EPB41L2: variants seen among roughly 807,000 people sequenced by gnomAD.
EPB41L2 encodes band 4.1-like protein 2.
Under a neutral mutation model 113.0 loss-of-function variants are expected in EPB41L2, and 43 were observed. The observed-to-expected ratio is 0.38, with a 90% CI of 0.30 to 0.49. EPB41L2 has a LOEUF of 0.49. Ranked by LOEUF, EPB41L2 falls within the 20% of genes least tolerant of loss-of-function variation. The pLI, the probability that EPB41L2 is intolerant of heterozygous loss-of-function variation, is 0.95. For missense variants in EPB41L2, 1,147 were observed against 1,223.4 expected (o/e 0.94, Z 0.93); for synonymous variants, 442 against 436.7 (o/e 1.01, Z -0.15).
chr6:130,956,201 A>G lies in EPB41L2; in HGVS notation c.285T>C (p.Asp95=), dbSNP rs746541237. ...QKSYTLVVAK[D]GGDKKEPTQA... ...GGGTAGGCTCTTTTTTATCTCCTCCATCTTTGGCCACTACTAAGGTATATG... is the reference window on the plus strand; with the variant it reads ...GGGTAGGCTCTTTTTTATCTCCTCCGTCTTTGGCCACTACTAAGGTATATG... Residue 95 remains aspartate, a synonymous_variant, in exon 2 of 20, where the codon GAT becomes GAC. Coordinates refer to ENST00000337057, the MANE Select transcript of EPB41L2 (RefSeq NM_001431.4). 18 of 1,613,802 alleles carry G rather than the reference A, an allele frequency of 1.1e-5. No homozygotes were observed. The highest frequency in any genetic ancestry group is 1.4e-5 in the Non-Finnish European group (17 of 1,179,980).
At chr6:130,987,862 C>A (rs1181590915) in intron 1 of EPB41L2, among the ~76,000 whole-genome samples, 4 of 150,794 alleles carry the variant, frequency 2.7e-5, no homozygotes, top group Non-Finnish European at 5.9e-5. Context: ...CCTATAATCC[C>A]AATACTTTGG....
intron 1 of EPB41L2, among the ~76,000 whole-genome samples, chr6:131,025,987 C>G (rs888060484): frequency 6.6e-6 from 1 of 152,130 alleles, no homozygotes. Context: ...TACCAAACAG[C>G]CCCCAGGTCA....
chr6:131,026,489 G>T (rs969865346), intron 1 of EPB41L2, among the ~76,000 whole-genome samples: 15 of 152,188 alleles, frequency 9.9e-5, no homozygotes, highest in African/African-American at 3.4e-4. Context: ...GGAAAGGAAT[G>T]GTTCAGCTTT....
chr6:130,906,216 A>T (rs1797678698), intron 5 of EPB41L2, among the ~76,000 whole-genome samples: 1 of 152,196 alleles, frequency 6.6e-6, no homozygotes, highest in African/African-American at 2.4e-5. Flanking sequence ...ACACTAGAAC[A>T]TGCTTGCCTG....
chr6:131,037,477 C>T (rs1186247998), intron 1 of EPB41L2, among the ~76,000 whole-genome samples: 2 of 150,800 alleles, frequency 1.3e-5, no homozygotes, highest in African/African-American at 2.4e-5. Flanking sequence ...CATATAAATG[C>T]TTATAAAATG....
At position 130,863,670 on chromosome 6, in the gene EPB41L2, T is replaced by G. The variant is rs1411736024; in HGVS notation, c.2878A>C (p.Ile960Leu). The G allele has an allele frequency of 6.2e-7, 1 of 1,613,568 alleles. No homozygotes were observed. The highest frequency in any genetic ancestry group is 1.3e-5 in the African/African-American group (1 of 74,918). ...TGATCAATATCTCCATCTCCTGTGA[T>G]CACAATGCGTTTCTCAATTCTTGTT... ...SETRIEKRIVITGDGDIDHDQ... is the reference protein window; with the variant it reads ...SETRIEKRIVLTGDGDIDHDQ... Residue 960 changes from isoleucine to leucine, a missense_variant, in exon 18 of 20, where the codon ATC becomes CTC. Transcript: ENST00000337057.
intron 1 of EPB41L2, among the ~76,000 whole-genome samples, chr6:131,049,067 G>A (rs1384992499): frequency 1.3e-5 from 2 of 152,176 alleles, no homozygotes; most frequent in Non-Finnish European, 2.9e-5. Context: ...ACCTCAATTG[G>A]TAGGAGCCAC....
chr6:130,943,401 C>T (rs1195076602), intron 3 of EPB41L2, among the ~76,000 whole-genome samples: 1 of 152,102 alleles, frequency 6.6e-6, no homozygotes, highest in Non-Finnish European at 1.5e-5. Flanking sequence ...CTTACTCGAC[C>T]CTGAAGTAAT....
At chr6:130,886,984 C>T (rs908596513) in intron 11 of EPB41L2, among the ~76,000 whole-genome samples, 1 of 151,968 alleles carries the variant, frequency 6.6e-6, no homozygotes, top group African/African-American at 2.4e-5. Flanking sequence ...AAATAAGTTT[C>T]CCTTGGAAAG....
At chr6:131,034,182 C>G (rs2128174535) in intron 1 of EPB41L2, among the ~76,000 whole-genome samples, 2 of 152,248 alleles carry the variant, frequency 1.3e-5, no homozygotes, top group East Asian at 3.9e-4. Context: ...ATTTTCTTAA[C>G]CACACAAAGG....
chr6:130,873,990 C>A (rs1562358803), intron 14 of EPB41L2, among the ~76,000 whole-genome samples: 1 of 152,080 alleles, frequency 6.6e-6, no homozygotes, highest in Non-Finnish European at 1.5e-5. Context: ...GATGCCCTTC[C>A]CAGTGAGAGA....
chr6:130,859,279 T>G (rs1781260356), intron 18 of EPB41L2, among the ~76,000 whole-genome samples: 2 of 152,170 alleles, frequency 1.3e-5, no homozygotes, highest in South Asian at 4.1e-4. Flanking sequence ...CCCAGCACTT[T>G]GGGACGCCAA....
In EPB41L2 at chr6:130,955,983, C is replaced by A. The variant is rs1459680718; in HGVS notation, c.492+11G>T. ...AGGTTTTCATTTCCAGGCAATTATT[C>A]CCAAACATACCTGCATCTCCACTTT... On this transcript the variant is annotated intron_variant, in intron 2 of 19. Coordinates refer to ENST00000337057, the MANE Select transcript of EPB41L2 (RefSeq NM_001431.4). The A allele has an allele frequency of 2.5e-6, 4 of 1,598,722 alleles. No homozygotes were observed. The highest frequency in any genetic ancestry group is 2.7e-5 in the African/African-American group (2 of 73,940).
chr6:130,858,025 C>A, intron 19 of EPB41L2, 106 bp downstream of exon 19: 1 of 882,526 alleles, frequency 1.1e-6, no homozygotes, highest in Non-Finnish European at 1.9e-6. Flanking sequence ...GTCAAATGTA[C>A]TATAGGAAGA....
chr6:130,863,914 G>A (rs1202569277), intron 17 of EPB41L2, among the ~76,000 whole-genome samples, 196 bp from the exon 18 acceptor site: 3 of 152,152 alleles, frequency 2.0e-5, no homozygotes, highest in Admixed American at 1.3e-4. Context: ...TATTACTAAA[G>A]TTATAGCATC....
At position 130,915,171 on chromosome 6, in the gene EPB41L2, C is replaced by T. The variant is rs3861459; in HGVS notation, c.811-6308G>A. 4.0e-5 allele frequency among the ~76,000 whole-genome samples: 6 copies of T among 151,118 alleles called. No individual in the cohort carries two copies. The South Asian group carries it at 1.1e-3, about 26-fold the overall frequency. The stretch of plus-strand genomic sequence containing the variant: ...ACAAAAAATTAGCCGGGCGTAGTGG[C>T]GGGCGCCTGTAGTCCCAGCTACTTG... On this transcript the variant is annotated intron_variant, in intron 4 of 19. Coordinates refer to ENST00000337057, the MANE Select transcript of EPB41L2 (RefSeq NM_001431.4).
intron 1 of EPB41L2, among the ~76,000 whole-genome samples, chr6:131,024,570 CT>C (rs1213957598): frequency 2.0e-5 from 3 of 152,186 alleles, no homozygotes; most frequent in East Asian, 3.8e-4. Flanking sequence ...TTTATTTATG[CT>C]TTAACAATCA....
intron 1 of EPB41L2, among the ~76,000 whole-genome samples, chr6:130,979,589 G>A (rs1383849371): frequency 6.6e-6 from 1 of 151,842 alleles, no homozygotes; most frequent in African/African-American, 2.4e-5. Context: ...TGAAGAGATG[G>A]TATCAATAAA....
intron 1 of EPB41L2, among the ~76,000 whole-genome samples, chr6:130,994,745 AG>A (rs1782663019): frequency 1.3e-5 from 2 of 152,214 alleles, no homozygotes; most frequent in African/African-American, 4.8e-5. Context: ...CCCCCAAATC[AG>A]TAAGCTCAAA....
Sources: allele counts gnomAD v4.1 joint callset (sites outside exome capture counted in the v4.1 genomes callset), GRCh38; gene constraint gnomAD v4.1.1; transcripts MANE v1.5; gene names NCBI Gene and HGNC (gene_info 2026-07-23, HGNC 2026-07-21).